The following CDH18 variants were observed in gnomAD, a reference collection of about 807,000 sequenced individuals.
CDH18 encodes cadherin 18, also known as cadherin-18.
Under a neutral mutation model 67.9 loss-of-function variants are expected in CDH18, and 31 were observed. The observed-to-expected ratio is 0.46, with a 90% CI of 0.34 to 0.62. The LOEUF is 0.62. CDH18 is among the 20% of genes least tolerant of loss of function. The probability of loss-of-function intolerance (pLI) is 0.01; values close to 1 mark genes in which losing one functional copy is unlikely to be tolerated. For missense variants in CDH18, 890 were observed against 975.5 expected (o/e 0.91, Z 1.17); for synonymous variants, 362 against 347.2 (o/e 1.04, Z -0.48).
At chr5:19,767,847 A>G (rs1384196321) in intron 3 of CDH18, among the ~76,000 whole-genome samples, 1 of 152,220 alleles carries the variant, frequency 6.6e-6, no homozygotes, top group East Asian at 1.9e-4. Context: ...AAAATCTTGC[A>G]GCATTCCAGG....
intron 12 of CDH18, among the ~76,000 whole-genome samples, chr5:19,479,618 T>C (rs1739059729): frequency 6.6e-6 from 1 of 152,188 alleles, no homozygotes; most frequent in Non-Finnish European, 1.5e-5. Flanking sequence ...CTTCTTCTCT[T>C]TGTCCACCAC....
chr5:19,734,761 G>C (rs1343769506), intron 4 of CDH18, among the ~76,000 whole-genome samples: 2 of 151,856 alleles, frequency 1.3e-5, no homozygotes, highest in Non-Finnish European at 2.9e-5. Context: ...AGGAATTTTT[G>C]GAATCTCTTA....
At chr5:19,495,463 G>T (rs114140590) in intron 11 of CDH18, among the ~76,000 whole-genome samples, 4 of 151,876 alleles carry the variant, frequency 2.6e-5, no homozygotes, top group African/African-American at 9.7e-5. Flanking sequence ...AATCTCAGCC[G>T]GGAGCTGTGG....
At chr5:20,518,665 T>C (rs368048068) in intron 1 of CDH18, among the ~76,000 whole-genome samples, 1 of 152,118 alleles carries the variant, frequency 6.6e-6, no homozygotes, top group East Asian at 1.9e-4. Context: ...AGTACACTAT[T>C]AAGGAGCCAT....
chr5:20,415,801 T>TA (rs1299454029), intron 1 of CDH18, among the ~76,000 whole-genome samples: 1 of 151,048 alleles, frequency 6.6e-6, no homozygotes, highest in Admixed American at 6.6e-5. Context: ...AATAAATATA[T>TA]AAAAAAATAA....
In CDH18 at chr5:19,839,028, T is replaced by C; in HGVS notation, c.-42A>G. 6.6e-7 allele frequency: 1 copy of C among 1,516,756 alleles called. No homozygotes were observed. Among genetic ancestry groups the C allele is most frequent in the Non-Finnish European group, 9.1e-7 (1 of 1,093,176 alleles). 94.0% of individuals were successfully genotyped at this position (1,516,756 alleles called of 1,614,324 possible). ...AGTTCACAGTTTTCCTTCCTTTCCT[T>C]GTCAGCTACGAAAGCTTAGTGAGCA... On this transcript the variant is annotated 5_prime_UTR_variant, in exon 3 of 13. Coordinates refer to ENST00000382275, the MANE Select transcript of CDH18 (RefSeq NM_004934.5).
chr5:19,800,634 T>C (rs1189879029), intron 3 of CDH18, among the ~76,000 whole-genome samples: 1 of 152,120 alleles, frequency 6.6e-6, no homozygotes, highest in Non-Finnish European at 1.5e-5. Context: ...TAAAACACTA[T>C]GAGGACAAGG....
chr5:20,420,490 A>G (rs1303323950), intron 1 of CDH18, among the ~76,000 whole-genome samples: 1 of 151,254 alleles, frequency 6.6e-6, no homozygotes, highest in Non-Finnish European at 1.5e-5. Flanking sequence ...GCTTTTGCTT[A>G]TTCCCTCAGG....
At chr5:20,225,351 A>G (rs1466106053) in intron 2 of CDH18, among the ~76,000 whole-genome samples, 1 of 152,144 alleles carries the variant, frequency 6.6e-6, no homozygotes, top group Non-Finnish European at 1.5e-5. Context: ...GATAAAGTAG[A>G]CTTTTGATGA....
chr5:20,535,603 C>T (rs894649858), intron 1 of CDH18, among the ~76,000 whole-genome samples: 6 of 152,060 alleles, frequency 3.9e-5, no homozygotes, highest in African/African-American at 7.2e-5. Context: ...CTCTGCCTAT[C>T]GCAGAAAGCC....
At chr5:19,978,409 T>C (rs1436299005) in intron 2 of CDH18, among the ~76,000 whole-genome samples, 1 of 152,166 alleles carries the variant, frequency 6.6e-6, no homozygotes, top group Admixed American at 6.6e-5. Flanking sequence ...AATAACATTC[T>C]ATATGTTTCT....
At chr5:20,141,702 A>T (rs1381426621) in intron 2 of CDH18, among the ~76,000 whole-genome samples, 1 of 152,160 alleles carries the variant, frequency 6.6e-6, no homozygotes, top group African/African-American at 2.4e-5. Context: ...ATTGGGTGCA[A>T]ATTACATGGG....
chr5:20,038,134 C>T (rs1252970572), intron 2 of CDH18, among the ~76,000 whole-genome samples: 1 of 152,086 alleles, frequency 6.6e-6, no homozygotes, highest in Non-Finnish European at 1.5e-5. Context: ...AATAAACCCT[C>T]CCAAGACTAA....
At chr5:19,937,607 C>T (rs961007179) in intron 2 of CDH18, among the ~76,000 whole-genome samples, 5 of 151,292 alleles carry the variant, frequency 3.3e-5, no homozygotes, top group African/African-American at 1.2e-4. Flanking sequence ...TACACAGAAA[C>T]ACACAATGTA....
At chr5:20,201,317 C>A (rs184871814) in intron 2 of CDH18, among the ~76,000 whole-genome samples, 2 of 152,130 alleles carry the variant, frequency 1.3e-5, no homozygotes, top group East Asian at 3.9e-4. Context: ...GATAAAGTCA[C>A]CTTAAATTGA....
chr5:19,719,788 G>C (rs926692188), intron 5 of CDH18, among the ~76,000 whole-genome samples: 6 of 151,584 alleles, frequency 4.0e-5, no homozygotes, highest in Non-Finnish European at 7.4e-5. Flanking sequence ...ATATATTCAT[G>C]TGTATGTTCT....
intron 5 of CDH18, among the ~76,000 whole-genome samples, chr5:19,698,756 GAGAA>G (rs1267840388): frequency 2.6e-5 from 4 of 152,130 alleles, no homozygotes; most frequent in African/African-American, 9.6e-5. Flanking sequence ...GGAAGAGAGA[GAGAA>G]AGAAAGAGAT....
intron 3 of CDH18, among the ~76,000 whole-genome samples, chr5:19,837,111 G>T (rs1781740023): frequency 6.6e-6 from 1 of 152,092 alleles, no homozygotes; most frequent in Admixed American, 6.6e-5. Context: ...CCTTTGCAAG[G>T]ACATGGATGA....
At chr5:19,490,364 A>T (rs1163461586) in intron 11 of CDH18, among the ~76,000 whole-genome samples, 2 of 132,024 alleles carry the variant, frequency 1.5e-5, no homozygotes, top group African/African-American at 5.7e-5. Flanking sequence ...AGTTTTTTTT[A>T]TATATGATAT....
Sources: gnomAD v4.1 joint callset for allele counts (sites outside exome capture counted in the v4.1 genomes callset) on GRCh38, gnomAD v4.1.1 for gene constraint, MANE v1.5 for transcripts, NCBI Gene and HGNC (gene_info 2026-07-23, HGNC 2026-07-21) for gene names.